The following ZNF431 variants were observed in gnomAD, a reference collection of about 807,000 sequenced individuals.
ZNF431 encodes zinc finger protein 431.
A neutral mutation model predicts 57.0 loss-of-function variants in ZNF431; 34 were observed. That is an observed-to-expected ratio of 0.60 (90% confidence interval 0.45 to 0.79). The LOEUF is 0.79. Ranked by LOEUF, ZNF431 falls within the 30% of genes least tolerant of loss-of-function variation. The pLI, the probability that ZNF431 is intolerant of heterozygous loss-of-function variation, is 0.00. For synonymous variants in ZNF431, 207 were observed against 220.3 expected (o/e 0.94, Z 0.54); for missense variants, 607 against 667.1 (o/e 0.91, Z 0.99).
In ZNF431 at chr19:21,182,654, G is replaced by A; in HGVS notation, c.351G>A (p.Trp117Ter). Residue 117 changes from tryptophan (W) to a stop codon, truncating the protein, a stop_gained, in exon 5 of 5, where the codon TGG becomes TGA. Transcript: ENST00000311048. LOFTEE classifies it high-confidence loss of function. ...AMCSYFTKDL[W>*]PEQDIKDSFQ... The stretch of plus-strand genomic sequence containing the variant: ...GTTCTTATTTTACCAAAGACCTTTG[G>A]CCAGAGCAAGACATAAAAGATTCTT... 1.2e-6 allele frequency: 2 copies of A among 1,608,640 alleles called. No homozygotes were observed. Among genetic ancestry groups the A allele is most frequent in the Non-Finnish European group, 1.7e-6 (2 of 1,178,388 alleles).
At chr19:21,154,925 T>G (rs1211694085) in intron 2 of ZNF431, among the ~76,000 whole-genome samples, 3 of 152,220 alleles carry the variant, frequency 2.0e-5, no homozygotes, top group African/African-American at 7.2e-5. Flanking sequence ...TATTAGCCCT[T>G]TGTCAGATGA....
intron 2 of ZNF431, among the ~76,000 whole-genome samples, chr19:21,157,602 G>C (rs1317073228): frequency 6.8e-6 from 1 of 146,982 alleles, no homozygotes; most frequent in South Asian, 2.2e-4. Flanking sequence ...TGGGACCTTG[G>C]CTCACTGCAA....
At chr19:21,147,321 T>G (rs1444539445) in intron 2 of ZNF431, among the ~76,000 whole-genome samples, 1 of 152,000 alleles carries the variant, frequency 6.6e-6, no homozygotes, top group Non-Finnish European at 1.5e-5. Context: ...ACCCTGTCTC[T>G]ACTAAAAATA....
At chr19:21,156,435 G>C (rs1466349841) in intron 2 of ZNF431, among the ~76,000 whole-genome samples, 1 of 152,056 alleles carries the variant, frequency 6.6e-6, no homozygotes, top group African/African-American at 2.4e-5. Flanking sequence ...GTAAAATTGT[G>C]TCATGGGAGT....
intron 2 of ZNF431, among the ~76,000 whole-genome samples, chr19:21,144,489 C>A (rs1400493950): frequency 6.6e-6 from 1 of 152,022 alleles, no homozygotes; most frequent in Non-Finnish European, 1.5e-5. Flanking sequence ...CAGGCATGAG[C>A]CACTGTGCCT....
chr19:21,155,367 T>C (rs1216147148), intron 2 of ZNF431, among the ~76,000 whole-genome samples: 1 of 152,182 alleles, frequency 6.6e-6, no homozygotes, highest in Non-Finnish European at 1.5e-5. Context: ...TCTGTTCTGT[T>C]CCATTGGTCT....
chr19:21,169,926 C>T, intron 4 of ZNF431: 1 of 398,402 alleles, frequency 2.5e-6, no homozygotes, highest in Non-Finnish European at 4.4e-6. Context: ...TGTCTTCCTC[C>T]AGGTCTCTGG....
Position 21,183,537 on chromosome 19 carries a change from T to C in ZNF431, c.1234T>C (p.Ser412Pro). 1 of 1,613,248 alleles carries C rather than the reference T, an allele frequency of 6.2e-7. No homozygotes were observed. The highest frequency in any genetic ancestry group is 1.1e-5 in the South Asian group (1 of 91,060). Residue 412 changes from serine to proline, a missense_variant, in exon 5 of 5, where the codon TCC (serine) becomes CCC (proline). Coordinates refer to ENST00000311048, the MANE Select transcript of ZNF431 (RefSeq NM_133473.4). ...AGTGTGTGGCAAAGCCTTTAATGAG[T>C]CCTCAAACCTTACTACACATAAGAT... ...CEVCGKAFNE[S>P]SNLTTHKMIH...
rs528415048 is a variant in ZNF431, at chr19:21,180,652, A to G, written c.320-1971A>G. Among the ~76,000 whole-genome samples the G allele has an allele frequency of 1.1e-4, 16 of 152,266 alleles. No homozygotes were observed. The South Asian group carries it at 3.1e-3, about 30-fold the overall frequency. The stretch of plus-strand genomic sequence containing the variant: ...ATACAACAATGTATTTTAATCTGGT[A>G]AAAAATGAACTTCAGGCCAGGTGTC... On this transcript the variant is annotated intron_variant, in intron 4 of 4. Coordinates refer to ENST00000311048, the MANE Select transcript of ZNF431 (RefSeq NM_133473.4).
In ZNF431 at chr19:21,194,482, T is replaced by A. The variant is rs1439549769; in HGVS notation, c.*10448T>A. Reference sequence around the variant, plus strand: ...ATCAAAATGTCGATTACTTTTTTTTTTTTTTTGAGACAGTGTTGCTCTGTG... The same window carrying A: ...ATCAAAATGTCGATTACTTTTTTTTATTTTTTGAGACAGTGTTGCTCTGTG... On this transcript the variant is annotated 3_prime_UTR_variant, in exon 5 of 5. Transcript: ENST00000311048. The A allele has an allele frequency of 6.6e-6, 1 of 152,046 alleles. No homozygotes were observed. The highest frequency in any genetic ancestry group is 2.4e-5 in the African/African-American group (1 of 41,396). 9.4% of individuals were successfully genotyped at this position (152,046 alleles called of 1,614,324 possible). A position where few individuals can be genotyped will look rare whatever the true frequency, so the allele number is the denominator to read the frequency against.
chr19:21,179,771 G>T (rs1971162390), intron 4 of ZNF431, among the ~76,000 whole-genome samples: 1 of 151,996 alleles, frequency 6.6e-6, no homozygotes, highest in Non-Finnish European at 1.5e-5. Flanking sequence ...TATTGGTCAG[G>T]CTGGTCTCGA....
intron 4 of ZNF431, chr19:21,175,424 GTTTAA>G (rs1294868097): frequency 1.0e-5 from 7 of 695,434 alleles, no homozygotes; most frequent in Non-Finnish European, 1.6e-5. Context: ...CTTTTTTTAA[GTTTAA>G]TTTAATTTAA....
chr19:21,148,506 C>A (rs1970173447), intron 2 of ZNF431, among the ~76,000 whole-genome samples: 1 of 152,208 alleles, frequency 6.6e-6, no homozygotes, highest in East Asian at 1.9e-4. Context: ...CACAGAATCT[C>A]TTTTGCAATT....
Position 21,193,096 on chromosome 19 carries a change from C to T in ZNF431, c.*9062C>T, listed in dbSNP as rs1971538155. On this transcript the variant is annotated 3_prime_UTR_variant, in exon 5 of 5. Transcript: ENST00000311048. ...ATTAATAATTTAAAAAACCTACCAA[C>T]TATAAGGAGCCCTGGATTATATAAA... 1 of 152,158 alleles carries T rather than the reference C, an allele frequency of 6.6e-6. No homozygotes were observed. Among genetic ancestry groups the T allele is most frequent in the African/African-American group, 2.4e-5 (1 of 41,410 alleles). 9.4% of individuals were successfully genotyped at this position (152,158 alleles called of 1,614,324 possible).
At chr19:21,181,536 T>C (rs563513929) in intron 4 of ZNF431, among the ~76,000 whole-genome samples, 2 of 152,220 alleles carry the variant, frequency 1.3e-5, no homozygotes, top group Admixed American at 6.5e-5. Context: ...ACTTTCGAAA[T>C]TGTGCTTATA....
At position 21,186,814 on chromosome 19, in the gene ZNF431, T is replaced by G. The variant is rs1277384745; in HGVS notation, c.*2780T>G. 2.0e-5 allele frequency: 3 copies of G among 152,174 alleles called. No individual in the cohort carries two copies. The highest frequency in any genetic ancestry group is 4.4e-5 in the Non-Finnish European group (3 of 68,018). The allele number at this position is 152,174 out of a possible 1,614,324, so 9.4% of individuals were successfully genotyped here. On this transcript the variant is annotated 3_prime_UTR_variant, in exon 5 of 5. Transcript: ENST00000311048. ...TCTTTAGATGTAATTCCAAAAGTAG[T>G]GTATTAAGTTACATTTTATTTAGTT...
At position 21,143,615 on chromosome 19, in the gene ZNF431, A is replaced by G. The variant is rs1399566602; in HGVS notation, c.68A>G (p.Asn23Ser). The G allele has an allele frequency of 1.2e-6, 2 of 1,613,804 alleles. No homozygotes were observed. Among genetic ancestry groups the G allele is most frequent in the Admixed American group, 3.3e-5 (2 of 59,992 alleles). Reference protein sequence around the residue: ...EASGCPGAERNLLVYSYFEKE... With the variant: ...EASGCPGAERSLLVYSYFEKE... The stretch of plus-strand genomic sequence containing the variant: ...AGTGGATGCCCTGGGGCTGAGAGGA[A>G]TCTTCTAGTTTACTCTTATTTTGAA... Residue 23 changes from asparagine (N) to serine (S), a missense_variant, in exon 2 of 5, where the codon AAT becomes AGT. Coordinates refer to ENST00000311048, the MANE Select transcript of ZNF431 (RefSeq NM_133473.4).
At chr19:21,149,884 CT>C in intron 2 of ZNF431, 1 of 637,466 alleles carries the variant, frequency 1.6e-6, no homozygotes. Context: ...CTAGTCTTAC[CT>C]TCCCCTTGAT....
intron 2 of ZNF431, among the ~76,000 whole-genome samples, chr19:21,162,144 T>TTGTGTGTGTGTGTGTG (rs749424799): frequency 3.0e-5 from 2 of 66,072 alleles, no homozygotes; most frequent in African/African-American, 7.9e-5. Flanking sequence ...ATCCAGCTAA[T>TTGTGTGTGTGTGTGTG]TGTGTGTGTG....
Sources: gnomAD v4.1 joint callset for allele counts (sites outside exome capture counted in the v4.1 genomes callset) on GRCh38, gnomAD v4.1.1 for gene constraint, MANE v1.5 for transcripts, NCBI Gene and HGNC (gene_info 2026-07-23, HGNC 2026-07-21) for gene names.